Variants in TMEM132D observed in about 807,000 individuals in gnomAD.
TMEM132D encodes the protein transmembrane protein 132D.
TMEM132D carries 21 observed loss-of-function variants against 62.3 expected under a neutral mutation model. The observed-to-expected ratio is 0.34, with a 90% CI of 0.24 to 0.49. The LOEUF (loss-of-function observed/expected upper bound fraction) is 0.49. Ranked by LOEUF, TMEM132D falls within the 20% of genes least tolerant of loss-of-function variation. The pLI is 0.99. For synonymous variants in TMEM132D, 621 were observed against 575.6 expected (o/e 1.08, Z -1.13); for missense variants, 1,346 against 1,402.8 (o/e 0.96, Z 0.65).
In TMEM132D at chr12:129,887,617, A is replaced by G. The variant is rs1874789094; in HGVS notation, c.79+15644T>C. 1.3e-5 allele frequency among the ~76,000 whole-genome samples: 2 copies of G among 152,150 alleles called. 1 individual carries two copies. Among genetic ancestry groups the G allele is most frequent in the South Asian group, 4.1e-4 (2 of 4,834 alleles). The stretch of plus-strand genomic sequence containing the variant: ...TTTTAAATTATAAAATAATAATAAT[A>G]ATAGTTTCCTTTTCCTATCAAAAAT... On this transcript the variant is annotated intron_variant, in intron 1 of 8. Coordinates refer to ENST00000422113, the MANE Select transcript of TMEM132D (RefSeq NM_133448.3).
At chr12:129,227,774 G>C (rs1484778219) in intron 4 of TMEM132D, among the ~76,000 whole-genome samples, 1 of 151,906 alleles carries the variant, frequency 6.6e-6, no homozygotes, top group Non-Finnish European at 1.5e-5. Context: ...ACAGGCCCTG[G>C]TGTGTAATGT....
intron 1 of TMEM132D, among the ~76,000 whole-genome samples, chr12:129,805,384 G>A (rs1358539019): frequency 3.9e-5 from 6 of 152,054 alleles, no homozygotes; most frequent in African/African-American, 7.2e-5. Flanking sequence ...CAGAAATAAC[G>A]CCGCATATCT....
intron 5 of TMEM132D, among the ~76,000 whole-genome samples, chr12:129,112,197 T>C (rs923709388): frequency 2.0e-5 from 3 of 152,166 alleles, no homozygotes; most frequent in Non-Finnish European, 4.4e-5. Flanking sequence ...GTGACAAAGA[T>C]TGGGTATATT....
intron 2 of TMEM132D, among the ~76,000 whole-genome samples, chr12:129,578,418 G>A (rs1449651896): frequency 6.6e-6 from 1 of 150,872 alleles, no homozygotes; most frequent in Non-Finnish European, 1.5e-5. Context: ...ATGTGTGTGT[G>A]TGTGTGTATA....
At chr12:129,862,481 TC>T (rs1873931073) in intron 1 of TMEM132D, among the ~76,000 whole-genome samples, 1 of 152,190 alleles carries the variant, frequency 6.6e-6, no homozygotes, top group South Asian at 2.1e-4. Context: ...TTCAATTCAC[TC>T]TGAGCCACTA....
intron 3 of TMEM132D, among the ~76,000 whole-genome samples, chr12:129,499,581 G>A (rs369544004): frequency 6.6e-5 from 10 of 152,258 alleles, no homozygotes; most frequent in African/African-American, 2.4e-4. Context: ...AGATGGAGTG[G>A]AGTCCCAGTG....
At position 129,675,743 on chromosome 12, in the gene TMEM132D, G is replaced by A. The variant is rs1036868413; in HGVS notation, c.968+24067C>T. 2.3e-4 allele frequency among the ~76,000 whole-genome samples: 35 copies of A among 152,190 alleles called. 1 individual carries two copies. Among genetic ancestry groups the A allele is most frequent in the African/African-American group, 7.9e-4 (33 of 41,538 alleles). On this transcript the variant is annotated intron_variant, in intron 2 of 8. Coordinates refer to ENST00000422113, the MANE Select transcript of TMEM132D (RefSeq NM_133448.3). ...AAAGTAGTGGGTGGATTCCAGCAAC[G>A]CTGCCTAATATCCTACAGTGCTCCA...
intron 4 of TMEM132D, among the ~76,000 whole-genome samples, chr12:129,211,620 T>C (rs1025402944): frequency 3.3e-5 from 5 of 152,226 alleles, no homozygotes; most frequent in Admixed American, 3.3e-4. Flanking sequence ...TATAACCAGC[T>C]CACTGGGGTT....
chr12:129,617,181 G>A (rs1389522576), intron 2 of TMEM132D, among the ~76,000 whole-genome samples: 3 of 152,154 alleles, frequency 2.0e-5, no homozygotes, highest in African/African-American at 7.2e-5. Flanking sequence ...GAGAACTGAT[G>A]GAGAAAACAA....
chr12:129,762,861 G>A (rs779450981), intron 1 of TMEM132D, among the ~76,000 whole-genome samples: 3 of 152,166 alleles, frequency 2.0e-5, no homozygotes, highest in Admixed American at 6.5e-5. Context: ...GTGCAAACTC[G>A]CTAGGGTGGG....
chr12:129,725,339 G>C (rs762241647), intron 1 of TMEM132D, among the ~76,000 whole-genome samples: 11 of 152,044 alleles, frequency 7.2e-5, no homozygotes, highest in Non-Finnish European at 1.6e-4. Flanking sequence ...CCTGCTATCT[G>C]GAAACAAAAA....
At chr12:129,186,125 C>T (rs1198958056) in intron 5 of TMEM132D, among the ~76,000 whole-genome samples, 8 of 152,088 alleles carry the variant, frequency 5.3e-5, no homozygotes, top group South Asian at 2.1e-4. Flanking sequence ...TGTTCCGCTG[C>T]GGGGAGTCCA....
At chr12:129,667,204 C>A (rs1201505489) in intron 2 of TMEM132D, among the ~76,000 whole-genome samples, 1 of 152,152 alleles carries the variant, frequency 6.6e-6, no homozygotes, top group African/African-American at 2.4e-5. Flanking sequence ...TTATGAAAAT[C>A]TTACCTTACG....
chr12:129,503,997 T>C (rs79612333), intron 3 of TMEM132D, among the ~76,000 whole-genome samples: 3 of 62,204 alleles, frequency 4.8e-5, no homozygotes, highest in East Asian at 9.4e-4. Context: ...TCATCATTAT[T>C]GTCATCATTA....
chr12:129,893,399 C>A lies in TMEM132D; in HGVS notation c.79+9862G>T, dbSNP rs534531545. On this transcript the variant is annotated intron_variant, in intron 1 of 8. Transcript: ENST00000422113. ...TTTGAGTAAGAAGCTCTCCCACCCT[C>A]CCCACCCTACCCACCCTGCTCAGCT... Among the ~76,000 whole-genome samples, 351 of 130,252 alleles carry A rather than the reference C, an allele frequency of 2.7e-3. 3 individuals are homozygous for A. The highest frequency in any genetic ancestry group is 9.4e-3 in the African/African-American group (338 of 36,096). 85.5% of individuals were successfully genotyped at this position (130,252 alleles called of 152,430 possible).
intron 1 of TMEM132D, among the ~76,000 whole-genome samples, chr12:129,707,633 C>T (rs916982357): frequency 1.8e-4 from 28 of 152,310 alleles, no homozygotes; most frequent in African/African-American, 6.3e-4. Context: ...AAACAGTTGA[C>T]TCATATGTGC....
intron 1 of TMEM132D, among the ~76,000 whole-genome samples, chr12:129,860,928 G>T (rs12231624): frequency 0.25 from 37,263 of 152,030 alleles, 4,951 homozygotes; most frequent in East Asian, 0.58. Context: ...TTCAATTATA[G>T]ACACCTAGTC....
At chr12:129,652,763 G>A (rs1279158928) in intron 2 of TMEM132D, among the ~76,000 whole-genome samples, 2 of 152,300 alleles carry the variant, frequency 1.3e-5, no homozygotes, top group South Asian at 4.1e-4. Flanking sequence ...AAGACAACAC[G>A]TTTGTGCTGC....
chr12:129,850,225 C>T (rs1034432450), intron 1 of TMEM132D, among the ~76,000 whole-genome samples: 26 of 152,230 alleles, frequency 1.7e-4, no homozygotes, highest in African/African-American at 4.8e-4. Flanking sequence ...TCTGGAAGGA[C>T]GAGGAACACG....
Sources: allele counts gnomAD v4.1 joint callset (sites outside exome capture counted in the v4.1 genomes callset), GRCh38; gene constraint gnomAD v4.1.1; transcripts MANE v1.5; gene names NCBI Gene and HGNC (gene_info 2026-07-23, HGNC 2026-07-21).